Variants in TMEM71 observed in about 807,000 individuals in gnomAD.
TMEM71 encodes the protein transmembrane protein 71.
TMEM71 carries 44 observed loss-of-function variants against 38.0 expected under a neutral mutation model. The observed-to-expected ratio is 1.16, with a 90% CI of 0.91 to 1.49. The LOEUF (loss-of-function observed/expected upper bound fraction) is 1.49. Ranked by LOEUF, TMEM71 falls within the 40% of genes most tolerant of loss-of-function variation. TMEM71 has a pLI of 0.00. For missense variants in TMEM71, 367 were observed against 348.6 expected (o/e 1.05, Z -0.42); for synonymous variants, 133 against 122.5 (o/e 1.09, Z -0.56).
At chr8:132,750,022 A>T (rs554207339) in intron 4 of TMEM71, among the ~76,000 whole-genome samples, 1 of 151,186 alleles carries the variant, frequency 6.6e-6, no homozygotes, top group African/African-American at 2.4e-5. Flanking sequence ...CAAAAAAAAA[A>T]AAAGAAAGAA....
intron 6 of TMEM71, among the ~76,000 whole-genome samples, chr8:132,724,559 T>C (rs572404656): frequency 6.6e-6 from 1 of 152,300 alleles, no homozygotes. Flanking sequence ...AAATCGCTGT[T>C]ATTCTGTTGG....
chr8:132,728,908 A>G (rs1391936489), intron 5 of TMEM71, among the ~76,000 whole-genome samples: 2 of 152,256 alleles, frequency 1.3e-5, no homozygotes, highest in Non-Finnish European at 2.9e-5. Context: ...TCTATAAAAT[A>G]CATTGAAATG....
the TMEM71 span, chr8:132,775,737 G>A: frequency 1.4e-5 from 4 of 284,748 alleles, no homozygotes; most frequent in East Asian, 1.7e-4. Context: ...TTTCCGGCCC[G>A]CTCCCCTCCC....
intron 4 of TMEM71, among the ~76,000 whole-genome samples, chr8:132,749,701 C>A (rs1409379010): frequency 2.0e-5 from 3 of 152,182 alleles, no homozygotes; most frequent in African/African-American, 7.2e-5. Flanking sequence ...AACACTCATG[C>A]TGGACAATTA....
chr8:132,764,404 C>T (rs1829338762), upstream of TMEM71, among the ~76,000 whole-genome samples: 1 of 152,040 alleles, frequency 6.6e-6, no homozygotes, highest in Non-Finnish European at 1.5e-5. Flanking sequence ...GTCAGAATGA[C>T]CTCTCCAATA....
chr8:132,732,973 T>C (rs1370899799), intron 5 of TMEM71, among the ~76,000 whole-genome samples: 1 of 152,198 alleles, frequency 6.6e-6, no homozygotes, highest in Non-Finnish European at 1.5e-5. Context: ...CTAAGGCAAC[T>C]GGATCATTAG....
In TMEM71 at chr8:132,747,088, C is replaced by A; in HGVS notation, c.341G>T (p.Cys114Phe). The change falls in exon 5 of 10, where the codon TGC becomes TTC. Residue 114 changes from cysteine to phenylalanine, a missense_variant. Transcript: ENST00000677595. The part of the protein sequence containing the change: ...VRIFRKKKRI[C>F]HSFSSLFNLS... The stretch of plus-strand genomic sequence containing the variant: ...GTTGAAGAGAGAAGAAAAGGAATGG[C>A]AGATTCTCTTTTTCTTTCTAAATAT... 2 of 1,607,852 alleles carry A rather than the reference C, an allele frequency of 1.2e-6. No homozygotes were observed. The highest frequency in any genetic ancestry group is 1.7e-6 in the Non-Finnish European group (2 of 1,178,226).
At position 132,751,797 on chromosome 8, in the gene TMEM71, T is replaced by G. The variant is rs756169208; in HGVS notation, c.302A>C (p.Glu101Ala). The G allele has an allele frequency of 6.2e-7, 1 of 1,613,458 alleles. No homozygotes were observed. The highest frequency in any genetic ancestry group is 8.5e-7 in the Non-Finnish European group (1 of 1,180,006). ...NPSQTSVMYK[E>A]NLVRIFRKKK... ...ATGCTCTGCTTACCTAACTAAGTTC[T>G]CCTTATACATAACGCTGGTCTGGGA... The change falls in exon 4 of 10, where the codon GAG becomes GCG. Residue 101 changes from glutamate to alanine, a missense_variant. Coordinates refer to ENST00000677595, the MANE Select transcript of TMEM71 (RefSeq NM_001382403.1).
upstream of TMEM71, among the ~76,000 whole-genome samples, chr8:132,762,425 T>C (rs1382265286): frequency 1.3e-5 from 2 of 152,148 alleles, no homozygotes; most frequent in African/African-American, 2.4e-5. Flanking sequence ...CTGCTCTTCC[T>C]GTGCCCACAA....
intron 3 of TMEM71, among the ~76,000 whole-genome samples, chr8:132,754,851 G>A (rs574826946): frequency 6.6e-6 from 1 of 152,196 alleles, no homozygotes; most frequent in South Asian, 2.1e-4. Flanking sequence ...TTGAGACTTT[G>A]GAAACATCAA....
chr8:132,758,782 C>A (rs1441518911), intron 2 of TMEM71, 58 bp downstream of exon 2: 1 of 1,490,412 alleles, frequency 6.7e-7, no homozygotes, highest in Admixed American at 1.7e-5. Context: ...AAGGAAATTG[C>A]TAAAAGGAGT....
chr8:132,757,437 G>A (rs1829086765), intron 2 of TMEM71, 143 bp from the exon 3 acceptor site: 1 of 585,188 alleles, frequency 1.7e-6, no homozygotes, highest in Non-Finnish European at 3.1e-6. Context: ...GCTTCAGCAG[G>A]AAGACTCCAG....
Position 132,742,862 on chromosome 8 carries a change from C to T in TMEM71, c.487+4080G>A, listed in dbSNP as rs531506848. On this transcript the variant is annotated intron_variant, in intron 5 of 9. Coordinates refer to ENST00000677595, the MANE Select transcript of TMEM71 (RefSeq NM_001382403.1). Reference sequence around the variant, plus strand: ...TTACGAAAGAAAGAGGTTTAATGGACTTACAGTTCCACATGGCTAGGAAAG... The same window carrying T: ...TTACGAAAGAAAGAGGTTTAATGGATTTACAGTTCCACATGGCTAGGAAAG... Among the ~76,000 whole-genome samples the T allele has an allele frequency of 8.5e-5, 13 of 152,292 alleles. No homozygotes were observed. In the South Asian group the frequency reaches 1.2e-3, roughly 15 times the overall value.
chr8:132,757,196 A>G (rs1408107395), intron 3 of TMEM71, 38 bp downstream of exon 3: 3 of 1,525,218 alleles, frequency 2.0e-6, no homozygotes, highest in South Asian at 1.1e-5. Flanking sequence ...ACGCCCGGCC[A>G]GAATGATTAT....
At chr8:132,734,816 G>A (rs577111060) in intron 5 of TMEM71, among the ~76,000 whole-genome samples, 1 of 152,120 alleles carries the variant, frequency 6.6e-6, no homozygotes, top group African/African-American at 2.4e-5. Flanking sequence ...ATTGTTGAAG[G>A]TATCTATTTC....
intron 5 of TMEM71, among the ~76,000 whole-genome samples, chr8:132,741,938 C>T (rs562667341): frequency 1.6e-4 from 25 of 152,328 alleles, no homozygotes; most frequent in African/African-American, 4.3e-4. Flanking sequence ...TTTTTGCTAC[C>T]GCTAAACCTC....
At position 132,742,286 on chromosome 8, in the gene TMEM71, C is replaced by T. The variant is rs188689499; in HGVS notation, c.487+4656G>A. On this transcript the variant is annotated intron_variant, in intron 5 of 9. Coordinates refer to ENST00000677595, the MANE Select transcript of TMEM71 (RefSeq NM_001382403.1). Reference sequence around the variant, plus strand: ...ACAGCTTGTGTCCTCGGTCTCTTGCCTCGGCGCCTGGATGGCTTGCCGCCC... The same window carrying T: ...ACAGCTTGTGTCCTCGGTCTCTTGCTTCGGCGCCTGGATGGCTTGCCGCCC... Among the ~76,000 whole-genome samples the T allele has an allele frequency of 4.9e-4, 75 of 152,244 alleles. 1 individual carries two copies. The highest frequency in any genetic ancestry group is 1.6e-4 in the Non-Finnish European group (11 of 68,014).
intron 7 of TMEM71, among the ~76,000 whole-genome samples, chr8:132,715,833 T>A (rs1826496610): frequency 6.6e-6 from 1 of 152,254 alleles, no homozygotes; most frequent in African/African-American, 2.4e-5. Flanking sequence ...TGAATAGTTT[T>A]CTGTATTAAT....
chr8:132,758,694 C>A (rs1318696333), intron 2 of TMEM71, 146 bp downstream of exon 2: 7 of 648,198 alleles, frequency 1.1e-5, no homozygotes, highest in Non-Finnish European at 1.6e-5. Context: ...AAAATCATTG[C>A]CAAAGTGAAC....
Sources: allele counts gnomAD v4.1 joint callset (sites outside exome capture counted in the v4.1 genomes callset), GRCh38; gene constraint gnomAD v4.1.1; transcripts MANE v1.5; gene names NCBI Gene and HGNC (gene_info 2026-07-23, HGNC 2026-07-21).